ACAP2: variants seen among roughly 807,000 people sequenced by gnomAD.
The protein encoded by ACAP2 is ArfGAP with coiled-coil, ankyrin repeat and PH domains 2, also known as arf-GAP with coiled-coil, ANK repeat and PH domain-containing protein 2.
A neutral mutation model predicts 115.8 loss-of-function variants in ACAP2; 39 were observed. The ratio of observed to expected loss-of-function variants is 0.34; its 90% CI spans 0.26 to 0.44. The LOEUF (loss-of-function observed/expected upper bound fraction) is 0.44. Among genes scored for constraint, ACAP2 ranks in the 20% least tolerant of loss-of-function variants. ACAP2 has a pLI of 1.00. For synonymous variants in ACAP2, 289 were observed against 315.8 expected (o/e 0.92, Z 0.90); for missense variants, 662 against 927.6 (o/e 0.71, Z 3.72).
At chr3:195,430,578 A>G (rs1233864358) in intron 1 of ACAP2, among the ~76,000 whole-genome samples, 1 of 152,022 alleles carries the variant, frequency 6.6e-6, no homozygotes, top group African/African-American at 2.4e-5. Context: ...AGCTAGGCAT[A>G]GTGGTTCACG....
intron 9 of ACAP2, among the ~76,000 whole-genome samples, chr3:195,324,523 G>A (rs1380367374): frequency 6.6e-6 from 1 of 152,124 alleles, no homozygotes; most frequent in Admixed American, 6.5e-5. Context: ...GGAGGCCGAG[G>A]TGGATGGATC....
At chr3:195,331,650 A>C (rs1442752761) in intron 8 of ACAP2, among the ~76,000 whole-genome samples, 1 of 152,060 alleles carries the variant, frequency 6.6e-6, no homozygotes, top group African/African-American at 2.4e-5. Flanking sequence ...CTCCTCTTGG[A>C]AACTAAACTG....
intron 1 of ACAP2, among the ~76,000 whole-genome samples, chr3:195,423,589 C>G (rs1334874179): frequency 6.8e-6 from 1 of 146,328 alleles, no homozygotes; most frequent in African/African-American, 2.5e-5. Context: ...CACCACTGCA[C>G]TCCAGCCCAG....
At chr3:195,383,955 A>C (rs1006287454) in intron 2 of ACAP2, among the ~76,000 whole-genome samples, 11 of 152,334 alleles carry the variant, frequency 7.2e-5, no homozygotes, top group African/African-American at 2.6e-4. Flanking sequence ...CAAAGATGAA[A>C]AAGTTTGATA....
rs1247882830 is a variant in ACAP2 at position 195,277,072 on chromosome 3, G to C, written c.*2256C>G. 1 of 152,146 alleles carries C rather than the reference G, an allele frequency of 6.6e-6. No individual in the cohort carries two copies. Among genetic ancestry groups the C allele is most frequent in the Non-Finnish European group, 1.5e-5 (1 of 68,028 alleles). The allele number at this position is 152,146 out of a possible 1,614,324, so 9.4% of individuals were successfully genotyped here. On this transcript the variant is annotated 3_prime_UTR_variant, in exon 23 of 23. Coordinates refer to ENST00000326793, the MANE Select transcript of ACAP2 (RefSeq NM_012287.6). ...GCCACAGGAGGCAAGAGTCTCATAAGGAATTGCCTTCACAACCACAGAGAT... is the reference window on the plus strand; with the variant it reads ...GCCACAGGAGGCAAGAGTCTCATAACGAATTGCCTTCACAACCACAGAGAT...
At chr3:195,338,815 T>C (rs890731722) in intron 6 of ACAP2, among the ~76,000 whole-genome samples, 11 of 152,230 alleles carry the variant, frequency 7.2e-5, no homozygotes, top group African/African-American at 2.2e-4. Flanking sequence ...GTCAAAAGAT[T>C]ATACAATATC....
rs1560211703 is a variant in ACAP2, at chr3:195,295,865, T to C, written c.1515A>G (p.Ala505=). The part of the protein sequence containing the change: ...QRQEKEAYIR[A]KYVERKFVDK... The stretch of plus-strand genomic sequence containing the variant: ...CCACAAATTTCCTCTCCACATATTT[T>C]GCTCTGATATATGCCTCCTTCTCCT... Residue 505 remains alanine (A), a synonymous_variant, in exon 17 of 23, where the codon GCA becomes GCG. Coordinates refer to ENST00000326793, the MANE Select transcript of ACAP2 (RefSeq NM_012287.6). 3 of 1,613,402 alleles carry C rather than the reference T, an allele frequency of 1.9e-6. No homozygotes were observed. Among genetic ancestry groups the C allele is most frequent in the East Asian group, 4.5e-5 (2 of 44,860 alleles).
intron 21 of ACAP2, among the ~76,000 whole-genome samples, chr3:195,287,559 GC>G (rs1262995529): frequency 1.3e-5 from 2 of 152,000 alleles, no homozygotes; most frequent in African/African-American, 4.8e-5. Flanking sequence ...CTCAAGCAAC[GC>G]TCCCACCTCA....
At chr3:195,393,886 G>GC (rs1249450112) in intron 1 of ACAP2, among the ~76,000 whole-genome samples, 2 of 66,712 alleles carry the variant, frequency 3.0e-5, no homozygotes, top group African/African-American at 5.8e-5. Context: ...TATTATATTG[G>GC]GGGGGGGGGA....
At chr3:195,333,641 G>A (rs1034343225) in intron 7 of ACAP2, among the ~76,000 whole-genome samples, 3 of 152,160 alleles carry the variant, frequency 2.0e-5, no homozygotes, top group African/African-American at 7.2e-5. Context: ...CAAAATTTTA[G>A]TTGTTTAGAC....
chr3:195,361,691 A>G (rs1207671923), intron 4 of ACAP2, among the ~76,000 whole-genome samples: 3 of 152,072 alleles, frequency 2.0e-5, no homozygotes, highest in Admixed American at 1.3e-4. Flanking sequence ...CAGAGCAGAA[A>G]TAAATGAAAT....
At chr3:195,297,520 T>C (rs1727734652) in intron 15 of ACAP2, among the ~76,000 whole-genome samples, 1 of 152,084 alleles carries the variant, frequency 6.6e-6, no homozygotes. Flanking sequence ...CCCACCAGAG[T>C]CATTCTCTCT....
At chr3:195,436,273 CAT>C (rs1277233619) in intron 1 of ACAP2, among the ~76,000 whole-genome samples, 1 of 151,782 alleles carries the variant, frequency 6.6e-6, no homozygotes, top group Non-Finnish European at 1.5e-5. Flanking sequence ...GGACCACAGA[CAT>C]GTGCCACCAT....
At chr3:195,364,386 G>A (rs575499952) in intron 4 of ACAP2, among the ~76,000 whole-genome samples, 2 of 152,198 alleles carry the variant, frequency 1.3e-5, no homozygotes, top group South Asian at 4.1e-4. Flanking sequence ...AAACTACAAT[G>A]AGATTATTTC....
rs542874513 is a variant in ACAP2, at chr3:195,278,452, G to T, written c.*876C>A. On this transcript the variant is annotated 3_prime_UTR_variant, in exon 23 of 23. Coordinates refer to ENST00000326793, the MANE Select transcript of ACAP2 (RefSeq NM_012287.6). ...TTTCAAATATAAAAATGGCCTACAT[G>T]ATTTTATAAATTGATTTTTCCTTTA... 9.2e-5 allele frequency: 14 copies of T among 152,206 alleles called. No homozygotes were observed. In the South Asian group the frequency reaches 2.7e-3, roughly 29 times the overall value. The allele number at this position is 152,206 out of a possible 1,614,324, so 9.4% of individuals were successfully genotyped here. A position where few individuals can be genotyped will look rare whatever the true frequency, so the allele number is the denominator to read the frequency against.
Position 195,416,839 on chromosome 3 carries a change from T to C in ACAP2, c.54-24692A>G, listed in dbSNP as rs187447021. On this transcript the variant is annotated intron_variant, in intron 1 of 22. Coordinates refer to ENST00000326793, the MANE Select transcript of ACAP2 (RefSeq NM_012287.6). ...CAGCTCTTTCAACTTAAGTTTAATA[T>C]GTATCTATCTTAAAATGTAAAAGAA... Among the ~76,000 whole-genome samples, 178 of 152,230 alleles carry C rather than the reference T, an allele frequency of 1.2e-3. 1 individual carries two copies. The highest frequency in any genetic ancestry group is 2.0e-3 in the Non-Finnish European group (133 of 68,006).
At chr3:195,370,404 G>A (rs1251216861) in intron 4 of ACAP2, among the ~76,000 whole-genome samples, 1 of 152,100 alleles carries the variant, frequency 6.6e-6, no homozygotes, top group East Asian at 1.9e-4. Flanking sequence ...AATCCATCTT[G>A]AGTTGATTTT....
At chr3:195,290,709 G>A (rs545242538) in intron 20 of ACAP2, among the ~76,000 whole-genome samples, 186 of 151,860 alleles carry the variant, frequency 1.2e-3, no homozygotes, top group African/African-American at 4.1e-3. Flanking sequence ...GCTACTCAGG[G>A]GGCTAAGGCA....
intron 1 of ACAP2, among the ~76,000 whole-genome samples, chr3:195,404,956 C>A (rs1455610843): frequency 1.3e-5 from 2 of 151,838 alleles, no homozygotes; most frequent in African/African-American, 4.8e-5. Flanking sequence ...CACCACAACA[C>A]CCGGCTACTT....
Sources: gnomAD v4.1 joint callset for allele counts (sites outside exome capture counted in the v4.1 genomes callset) on GRCh38, gnomAD v4.1.1 for gene constraint, MANE v1.5 for transcripts, NCBI Gene and HGNC (gene_info 2026-07-23, HGNC 2026-07-21) for gene names.